The following DLGAP2 variants were observed in gnomAD, a reference collection of about 807,000 sequenced individuals.
DLGAP2 encodes the protein disks large-associated protein 2.
In DLGAP2, 26 loss-of-function variants were observed where a neutral mutation model predicts 100.3. The ratio of observed to expected loss-of-function variants is 0.26; its 90% CI spans 0.19 to 0.36. DLGAP2 has a LOEUF of 0.36. Among genes scored for constraint, DLGAP2 ranks in the 10% least tolerant of loss-of-function variants. The probability of loss-of-function intolerance (pLI) is 1.00; values close to 1 mark genes in which losing one functional copy is unlikely to be tolerated. For synonymous variants in DLGAP2, 886 were observed against 630.1 expected (o/e 1.41, Z -6.08); for missense variants, 1,858 against 1,453.2 (o/e 1.28, Z -4.53).
chr8:1,488,914 G>T (rs1309786480), intron 3 of DLGAP2, among the ~76,000 whole-genome samples: 1 of 152,100 alleles, frequency 6.6e-6, no homozygotes, highest in Non-Finnish European at 1.5e-5. Flanking sequence ...GCAAATGCAG[G>T]CATGTCATCC....
chr8:1,095,422 C>T (rs551071845), intron 2 of DLGAP2, among the ~76,000 whole-genome samples: 1 of 152,298 alleles, frequency 6.6e-6, no homozygotes, highest in African/African-American at 2.4e-5. Flanking sequence ...TTGGGATCCT[C>T]CATCAGGGCT....
chr8:1,047,858 C>G (rs1200054405), intron 2 of DLGAP2, among the ~76,000 whole-genome samples: 5 of 152,194 alleles, frequency 3.3e-5, no homozygotes, highest in Admixed American at 3.3e-4. Flanking sequence ...AACATTCAAT[C>G]TATCGCAGCA....
intron 3 of DLGAP2, among the ~76,000 whole-genome samples, chr8:1,441,288 A>G (rs904844793): frequency 1.3e-5 from 2 of 152,160 alleles, no homozygotes; most frequent in East Asian, 1.9e-4. Context: ...AATTGCATAA[A>G]ATTACGTTAC....
chr8:1,309,634 A>G (rs1354031805), intron 3 of DLGAP2, among the ~76,000 whole-genome samples: 3 of 152,244 alleles, frequency 2.0e-5, no homozygotes, highest in Admixed American at 2.0e-4. Flanking sequence ...TCAAAGCTAT[A>G]TGAAGTGAAA....
chr8:1,621,230 CA>C (rs1212846750), intron 6 of DLGAP2: 11 of 152,484 alleles, frequency 7.2e-5, no homozygotes, highest in African/African-American at 2.6e-4. Context: ...CTGGTTATAG[CA>C]AAGGACGGGT....
chr8:1,661,613 A>G (rs979831631), intron 8 of DLGAP2, among the ~76,000 whole-genome samples: 1 of 152,328 alleles, frequency 6.6e-6, no homozygotes, highest in Middle Eastern at 3.4e-3. Flanking sequence ...AGAGGCGGCC[A>G]CCAGGAAGCA....
chr8:785,612 A>C (rs375507303), intron 1 of DLGAP2, among the ~76,000 whole-genome samples: 9 of 25,292 alleles, frequency 3.6e-4, no homozygotes, highest in African/African-American at 7.7e-4. Context: ...CTCCCCTCAG[A>C]CCCCTCTGAG....
At chr8:1,242,158 AT>A (rs1486532081) in intron 2 of DLGAP2, among the ~76,000 whole-genome samples, 1 of 152,244 alleles carries the variant, frequency 6.6e-6, no homozygotes, top group Non-Finnish European at 1.5e-5. Flanking sequence ...CAGAACATTA[AT>A]TAACACGAAG....
intron 2 of DLGAP2, among the ~76,000 whole-genome samples, chr8:1,087,809 G>A (rs1804025614): frequency 6.6e-6 from 1 of 152,106 alleles, no homozygotes; most frequent in African/African-American, 2.4e-5. Flanking sequence ...TGACCCTCCT[G>A]CTCCCTCTGT....
At chr8:1,540,141 C>T (rs534940230) in intron 4 of DLGAP2, among the ~76,000 whole-genome samples, 1 of 152,346 alleles carries the variant, frequency 6.6e-6, no homozygotes, top group East Asian at 1.9e-4. Flanking sequence ...CACCCAGGAC[C>T]CTCAGAGATA....
At chr8:758,746 G>A (rs1443361083) in intron 1 of DLGAP2, among the ~76,000 whole-genome samples, 1 of 152,024 alleles carries the variant, frequency 6.6e-6, no homozygotes, top group African/African-American at 2.4e-5. Context: ...ATTTTTTGTA[G>A]AAATGTGGTC....
intron 8 of DLGAP2, among the ~76,000 whole-genome samples, chr8:1,650,855 A>G (rs1486583181): frequency 6.7e-6 from 1 of 148,920 alleles, no homozygotes; most frequent in Admixed American, 6.6e-5. Context: ...AGGAGAGTAG[A>G]CACAGAAGCT....
chr8:1,501,378 G>A lies in DLGAP2; in HGVS notation c.119G>A (p.Gly40Glu). The part of the protein sequence containing the change: ...LCGEPEEEEA[G>E]DLVQPGISFP... ...TCTGTCTTTGCAGAGGAAGAAGCTGGAGACTTGGTCCAGCCGGGCATCAGC... is the reference window on the plus strand; with the variant it reads ...TCTGTCTTTGCAGAGGAAGAAGCTGAAGACTTGGTCCAGCCGGGCATCAGC... Residue 40 changes from glycine (G) to glutamate (E), a missense_variant, in exon 4 of 15, where the codon GGA becomes GAA. Physicochemically the swap from Gly to Glu is moderately conservative, Grantham distance 98. Transcript: ENST00000637795. 2 of 1,535,888 alleles carry A rather than the reference G, an allele frequency of 1.3e-6. No homozygotes were observed. The highest frequency in any genetic ancestry group is 1.7e-6 in the Non-Finnish European group (2 of 1,146,746).
At chr8:1,212,541 A>C (rs1279170981) in intron 2 of DLGAP2, among the ~76,000 whole-genome samples, 1 of 152,190 alleles carries the variant, frequency 6.6e-6, no homozygotes, top group Non-Finnish European at 1.5e-5. Flanking sequence ...GTGTCCACAC[A>C]CTTGGCAGTG....
intron 4 of DLGAP2, 92 bp downstream of exon 4, chr8:1,501,523 C>T (rs1400991691): frequency 2.5e-6 from 3 of 1,219,888 alleles, no homozygotes; most frequent in Admixed American, 4.9e-5. Flanking sequence ...GTCCCACAAA[C>T]ACACGTTAGC....
chr8:1,040,040 ATGGTCGGCTCGGTGTGCG>A lies in DLGAP2; in HGVS notation c.73+132080_73+132097del, dbSNP rs1379197900. Among the ~76,000 whole-genome samples, 103 of 56,956 alleles carry A rather than the reference ATGGTCGGCTCGGTGTGCG, an allele frequency of 1.8e-3. 1 individual carries two copies. The highest frequency in any genetic ancestry group is 7.2e-3 in the African/African-American group (101 of 13,946). 37.4% of individuals were successfully genotyped at this position (56,956 alleles called of 152,430 possible). ...GGTTTCCGTGGTCAGCTCGGTGTGC[ATGGTCGGCTCGGTGTGCG>A]TGGTCAGCTCGGTTTCCGTGGTCAG... On this transcript the variant is annotated intron_variant, in intron 2 of 14. Coordinates refer to ENST00000637795, the MANE Select transcript of DLGAP2 (RefSeq NM_001346810.2).
chr8:981,018 A>G (rs928888191), intron 2 of DLGAP2, among the ~76,000 whole-genome samples: 2 of 152,102 alleles, frequency 1.3e-5, no homozygotes, highest in African/African-American at 4.8e-5. Flanking sequence ...ATTACCATCT[A>G]TTTCCGGAAA....
intron 6 of DLGAP2, among the ~76,000 whole-genome samples, chr8:1,590,574 T>A (rs149256197): frequency 1.3e-5 from 2 of 152,352 alleles, no homozygotes; most frequent in East Asian, 3.9e-4. Flanking sequence ...TTAGCGATTG[T>A]TGGTGATTCT....
chr8:1,141,164 G>T (rs1279465525), intron 2 of DLGAP2, among the ~76,000 whole-genome samples: 1 of 152,138 alleles, frequency 6.6e-6, no homozygotes, highest in Admixed American at 6.5e-5. Flanking sequence ...GGACTGAGGG[G>T]CTTTTACGTG....
Sources: allele counts gnomAD v4.1 joint callset (sites outside exome capture counted in the v4.1 genomes callset), GRCh38; gene constraint gnomAD v4.1.1; transcripts MANE v1.5; gene names NCBI Gene and HGNC (gene_info 2026-07-23, HGNC 2026-07-21).